PSMD1: variants seen among roughly 807,000 people sequenced by gnomAD.
PSMD1 encodes proteasome 26S subunit, non-ATPase 1, also known as 26S proteasome non-ATPase regulatory subunit 1.
A neutral mutation model predicts 119.0 loss-of-function variants in PSMD1; 18 were observed. The observed-to-expected ratio is 0.15, with a 90% CI of 0.10 to 0.22. The LOEUF is 0.22. Among genes scored for constraint, PSMD1 ranks in the 10% least tolerant of loss-of-function variants. The pLI, the probability that PSMD1 is intolerant of heterozygous loss-of-function variation, is 1.00. For synonymous variants in PSMD1, 374 were observed against 396.6 expected, an observed-to-expected ratio of 0.94 and a Z score of 0.68; for missense variants, 702 against 1,158.5, an observed-to-expected ratio of 0.61 and a Z score of 5.72.
At chr2:231,120,099 G>A (rs1188851251) in intron 16 of PSMD1, among the ~76,000 whole-genome samples, 4 of 151,658 alleles carry the variant, frequency 2.6e-5, no homozygotes, top group South Asian at 2.1e-4. Flanking sequence ...CTACAGGCGC[G>A]TACCACCATG....
chr2:231,083,940 G>C (rs1453006791), intron 14 of PSMD1, among the ~76,000 whole-genome samples, 177 bp downstream of exon 14: 2 of 152,150 alleles, frequency 1.3e-5, no homozygotes, highest in African/African-American at 4.8e-5. Flanking sequence ...GATTAGAAAA[G>C]GTACATGGGA....
chr2:231,165,448 C>T (rs940411531), intron 22 of PSMD1, among the ~76,000 whole-genome samples, 162 bp downstream of exon 22: 4 of 151,778 alleles, frequency 2.6e-5, no homozygotes, highest in South Asian at 4.2e-4. Flanking sequence ...GAAAGAGACT[C>T]GAAAATATAT....
chr2:231,090,107 TC>T (rs1335699908), intron 16 of PSMD1, among the ~76,000 whole-genome samples: 1 of 152,240 alleles, frequency 6.6e-6, no homozygotes, highest in African/African-American at 2.4e-5. Flanking sequence ...ATGCACTTGG[TC>T]CCCCATGGGT....
rs1194478808 is a variant in PSMD1, at chr2:231,113,326, AATCTTTTAAAAT to A, written c.1884-25409_1884-25398del. On this transcript the variant is annotated intron_variant, in intron 16 of 24. Transcript: ENST00000308696. The stretch of plus-strand genomic sequence containing the variant: ...TGTTATTTTTGTTTTTTCTCTTATT[AATCTTTTAAAAT>A]GTGATTTAAGGTGCATTTCTTGTTA... Among the ~76,000 whole-genome samples the A allele has an allele frequency of 1.1e-3, 174 of 152,278 alleles. 1 individual carries two copies. Among genetic ancestry groups the A allele is most frequent in the African/African-American group, 3.9e-3 (160 of 41,548 alleles).
chr2:231,068,746 G>A (rs1199491017), intron 5 of PSMD1, among the ~76,000 whole-genome samples: 2 of 152,136 alleles, frequency 1.3e-5, no homozygotes, highest in African/African-American at 4.8e-5. Context: ...CACAGTGCTT[G>A]TGTTCAGATA....
chr2:231,101,442 T>C (rs73001272), intron 16 of PSMD1, among the ~76,000 whole-genome samples: 5,674 of 152,168 alleles, frequency 0.037, 177 homozygotes, highest in Non-Finnish European at 0.048. Context: ...AAGATTAGGC[T>C]GTAGAAAAAA....
intron 12 of PSMD1, among the ~76,000 whole-genome samples, chr2:231,081,248 T>C (rs1329485734): frequency 1.3e-5 from 2 of 152,050 alleles, no homozygotes; most frequent in African/African-American, 2.4e-5. Context: ...ATTTTTACCT[T>C]ATTTCCCCTG....
intron 7 of PSMD1, 68 bp from the exon 8 acceptor site, chr2:231,075,443 G>A: frequency 1.4e-6 from 2 of 1,381,208 alleles, no homozygotes; most frequent in East Asian, 4.6e-5. Context: ...TTTGGACATG[G>A]TTCAGATCTG....
intron 16 of PSMD1, chr2:231,124,055 T>G (rs1358226415): frequency 2.1e-5 from 7 of 327,178 alleles, no homozygotes; most frequent in Non-Finnish European, 4.0e-5. Context: ...TATATATATA[T>G]TTTTAGTTTC....
At chr2:231,119,555 T>C (rs1425257366) in intron 16 of PSMD1, among the ~76,000 whole-genome samples, 2 of 152,166 alleles carry the variant, frequency 1.3e-5, no homozygotes, top group Non-Finnish European at 2.9e-5. Context: ...TTTGAACTTA[T>C]AGATCATGAG....
intron 6 of PSMD1, among the ~76,000 whole-genome samples, chr2:231,070,953 T>A (rs1388992187): frequency 6.6e-6 from 1 of 152,128 alleles, no homozygotes; most frequent in East Asian, 1.9e-4. Flanking sequence ...ATTAAAACAC[T>A]GTTTTTTACA....
chr2:231,099,749 CT>C (rs1007360310), intron 16 of PSMD1, among the ~76,000 whole-genome samples: 4 of 152,130 alleles, frequency 2.6e-5, no homozygotes, highest in African/African-American at 9.7e-5. Context: ...GCCTTTTCTG[CT>C]ACTGGAGGTT....
At chr2:231,164,087 C>G (rs1371929128) in intron 21 of PSMD1, among the ~76,000 whole-genome samples, 1 of 152,114 alleles carries the variant, frequency 6.6e-6, no homozygotes, top group Non-Finnish European at 1.5e-5. Flanking sequence ...CCCAGAGCTG[C>G]AAAACAATGC....
intron 1 of PSMD1, among the ~76,000 whole-genome samples, chr2:231,059,492 G>GGA (rs150668900): frequency 4.0e-5 from 6 of 151,422 alleles, no homozygotes; most frequent in African/African-American, 7.3e-5. Context: ...GCAGGGGAAT[G>GGA]GAGAGAGAGA....
At chr2:231,129,180 TA>T (rs1329141400) in intron 16 of PSMD1, among the ~76,000 whole-genome samples, 1 of 152,218 alleles carries the variant, frequency 6.6e-6, no homozygotes, top group Non-Finnish European at 1.5e-5. Context: ...AAAGTACATT[TA>T]TGTTGATTAC....
At chr2:231,157,616 G>A (rs913261013) in intron 19 of PSMD1, among the ~76,000 whole-genome samples, 1 of 151,710 alleles carries the variant, frequency 6.6e-6, no homozygotes, top group Middle Eastern at 3.2e-3. Flanking sequence ...ACCCAGCCTG[G>A]AGTGCAGTGG....
chr2:231,076,071 C>T (rs1016872987), intron 8 of PSMD1, among the ~76,000 whole-genome samples: 3 of 151,762 alleles, frequency 2.0e-5, no homozygotes, highest in African/African-American at 4.8e-5. Flanking sequence ...AAAATTGATC[C>T]GAAGAAAACA....
intron 18 of PSMD1, 171 bp from the exon 19 acceptor site, chr2:231,153,393 G>A (rs574244523): frequency 3.4e-5 from 19 of 564,980 alleles, no homozygotes; most frequent in East Asian, 3.2e-4. Flanking sequence ...CATAACACCC[G>A]TGATTGCAAC....
At chr2:231,104,020 T>C (rs865993480) in intron 16 of PSMD1, among the ~76,000 whole-genome samples, 18 of 152,282 alleles carry the variant, frequency 1.2e-4, no homozygotes, top group Admixed American at 2.6e-4. Flanking sequence ...AGTATATTCT[T>C]CCAGGTATAC....
Sources: allele counts gnomAD v4.1 joint callset (sites outside exome capture counted in the v4.1 genomes callset), GRCh38; gene constraint gnomAD v4.1.1; transcripts MANE v1.5; gene names NCBI Gene and HGNC (gene_info 2026-07-23, HGNC 2026-07-21).